The following CADPS2 variants were observed in gnomAD, a reference collection of about 807,000 sequenced individuals.
The protein encoded by CADPS2 is calcium-dependent secretion activator 2.
A neutral mutation model predicts 172.5 loss-of-function variants in CADPS2; 93 were observed. The observed-to-expected ratio is 0.54, with a 90% CI of 0.46 to 0.64. CADPS2 has a LOEUF of 0.64. CADPS2 is among the 30% of genes least tolerant of loss of function. The probability of loss-of-function intolerance (pLI) is 0.00; values close to 1 mark genes in which losing one functional copy is unlikely to be tolerated. For synonymous variants in CADPS2, 546 were observed against 555.2 expected, an observed-to-expected ratio of 0.98 and a Z score of 0.23; for missense variants, 1,420 against 1,565.9, an observed-to-expected ratio of 0.91 and a Z score of 1.57.
chr7:122,361,248 A>ATTTTTTTTTTTTT (rs1181719835), intron 25 of CADPS2, among the ~76,000 whole-genome samples: 2 of 111,202 alleles, frequency 1.8e-5, no homozygotes, highest in African/African-American at 7.4e-5. Context: ...TTTTTTTTTA[A>ATTTTTTTTTTTTT]AATGAGATGG....
intron 2 of CADPS2, among the ~76,000 whole-genome samples, chr7:122,711,871 T>C (rs1309154378): frequency 6.6e-6 from 1 of 150,922 alleles, no homozygotes. Context: ...CAGGCTGGTC[T>C]CGAACTCCTG....
intron 3 of CADPS2, among the ~76,000 whole-genome samples, chr7:122,641,964 G>C (rs1418383013): frequency 6.6e-6 from 1 of 152,032 alleles, no homozygotes; most frequent in Non-Finnish European, 1.5e-5. Flanking sequence ...GGATGGATTT[G>C]CAAAGATAGA....
At chr7:122,871,620 C>G (rs1819779494) in intron 1 of CADPS2, among the ~76,000 whole-genome samples, 1 of 152,096 alleles carries the variant, frequency 6.6e-6, no homozygotes, top group Admixed American at 6.6e-5. Flanking sequence ...ATGTCAATGT[C>G]TGAAAACGTG....
At chr7:122,590,495 C>T (rs11767048) in intron 6 of CADPS2, among the ~76,000 whole-genome samples, 34,780 of 151,724 alleles carry the variant, frequency 0.23, 4,929 homozygotes, top group Middle Eastern at 0.33. Context: ...TGTATGGCTG[C>T]GCTATAATTT....
intron 1 of CADPS2, among the ~76,000 whole-genome samples, chr7:122,873,495 T>A (rs772401114): frequency 2.0e-5 from 3 of 152,210 alleles, no homozygotes; most frequent in Non-Finnish European, 4.4e-5. Flanking sequence ...GCAAAGGACA[T>A]GAACTCATCC....
At chr7:122,661,847 A>G (rs1421568476) in intron 3 of CADPS2, among the ~76,000 whole-genome samples, 4 of 152,230 alleles carry the variant, frequency 2.6e-5, no homozygotes, top group African/African-American at 9.6e-5. Flanking sequence ...TATGTTAATC[A>G]ACATTTATTT....
intron 28 of CADPS2, among the ~76,000 whole-genome samples, chr7:122,329,009 G>C (rs950696403): frequency 2.0e-5 from 3 of 152,176 alleles, no homozygotes. Flanking sequence ...GACAATGAAA[G>C]AGTGTTGAAA....
chr7:122,636,791 T>C (rs562468751), intron 3 of CADPS2, among the ~76,000 whole-genome samples: 1 of 152,220 alleles, frequency 6.6e-6, no homozygotes, highest in South Asian at 2.1e-4. Context: ...TTTTTTGTTG[T>C]TGTTGAACTT....
chr7:122,745,602 G>T (rs576338858), intron 1 of CADPS2, among the ~76,000 whole-genome samples: 233 of 146,048 alleles, frequency 1.6e-3, no homozygotes, highest in African/African-American at 5.7e-3. Flanking sequence ...CTTGGTTTTA[G>T]CCTAAAACCA....
chr7:122,477,543 CAA>C (rs74426975), intron 12 of CADPS2, among the ~76,000 whole-genome samples: 7 of 112,104 alleles, frequency 6.2e-5, no homozygotes, highest in Admixed American at 9.1e-5. Flanking sequence ...CCGACCCCAC[CAA>C]AAAAAAAAAA....
intron 3 of CADPS2, among the ~76,000 whole-genome samples, chr7:122,655,788 T>A (rs2079687311): frequency 6.6e-6 from 1 of 152,146 alleles, no homozygotes; most frequent in Admixed American, 6.6e-5. Context: ...TATGTCCTTA[T>A]TTACAGGGGT....
intron 1 of CADPS2, among the ~76,000 whole-genome samples, chr7:122,803,974 G>GAAAAAAAAA (rs869246600): frequency 5.8e-4 from 49 of 85,116 alleles, no homozygotes; most frequent in African/African-American, 1.9e-3. Context: ...GGCTTGAATG[G>GAAAAAAAAA]AAAAAAAAAA....
At chr7:122,405,137 AAC>A (rs200484938) in intron 20 of CADPS2, among the ~76,000 whole-genome samples, 2,456 of 151,992 alleles carry the variant, frequency 0.016, 66 homozygotes, top group African/African-American at 0.056. Flanking sequence ...AAAACAAAAA[AAC>A]AAAACAAAAC....
rs1359723432 is a variant in CADPS2, at chr7:122,863,556, C to T, written c.339+22443G>A. Among the ~76,000 whole-genome samples the T allele has an allele frequency of 3.3e-5, 5 of 151,928 alleles. No individual in the cohort carries two copies. The South Asian group carries it at 6.3e-4, about 19-fold the overall frequency. On this transcript the variant is annotated intron_variant, in intron 1 of 29. Transcript: ENST00000449022. The stretch of plus-strand genomic sequence containing the variant: ...AACCAGGGTTTATAATCTGGAACAA[C>T]TTAAGGAGGCAACAAAGGAAGACAA...
At chr7:122,850,097 CACAG>C in intron 1 of CADPS2, 1 of 1,358,160 alleles carries the variant, frequency 7.4e-7, no homozygotes, top group Non-Finnish European at 9.6e-7. Context: ...CAGCTGTGTT[CACAG>C]ACCTGGCATC....
chr7:122,789,480 G>A (rs1794795879), intron 1 of CADPS2, among the ~76,000 whole-genome samples: 1 of 152,048 alleles, frequency 6.6e-6, no homozygotes, highest in African/African-American at 2.4e-5. Context: ...TATCTGTTAA[G>A]GAATATAAAA....
intron 2 of CADPS2, among the ~76,000 whole-genome samples, chr7:122,700,093 T>C (rs2085786487): frequency 2.0e-5 from 3 of 152,184 alleles, no homozygotes; most frequent in Admixed American, 1.3e-4. Context: ...CTCACAAGCA[T>C]AGTAAGTTCA....
intron 1 of CADPS2, among the ~76,000 whole-genome samples, chr7:122,759,286 G>T (rs976208164): frequency 1.3e-5 from 2 of 152,092 alleles, no homozygotes; most frequent in African/African-American, 4.8e-5. Context: ...AACAGTTATT[G>T]TATCAAAAAG....
intron 2 of CADPS2, chr7:122,702,670 A>C (rs777387259): frequency 4.5e-5 from 73 of 1,613,006 alleles, no homozygotes; most frequent in Non-Finnish European, 6.2e-5. Context: ...CAGGAAAGCT[A>C]AGTAGTAGAA....
Sources: allele counts gnomAD v4.1 joint callset (sites outside exome capture counted in the v4.1 genomes callset), GRCh38; gene constraint gnomAD v4.1.1; transcripts MANE v1.5; gene names NCBI Gene and HGNC (gene_info 2026-07-23, HGNC 2026-07-21).